The following RECK variants were observed in gnomAD, a reference collection of about 807,000 sequenced individuals.
RECK encodes reversion-inducing cysteine-rich protein with Kazal motifs.
A neutral mutation model predicts 115.1 loss-of-function variants in RECK; 69 were observed. The ratio of observed to expected loss-of-function variants is 0.60; its 90% CI spans 0.49 to 0.73. The LOEUF is 0.73. Among genes scored for constraint, RECK ranks in the 30% least tolerant of loss-of-function variants. RECK has a pLI of 0.00. For missense variants in RECK, 1,047 were observed against 1,203.7 expected, an observed-to-expected ratio of 0.87 and a Z score of 1.93; for synonymous variants, 414 against 419.7, an observed-to-expected ratio of 0.99 and a Z score of 0.17.
chr9:36,087,384 C>T (rs1425060614), intron 8 of RECK, among the ~76,000 whole-genome samples: 1 of 152,116 alleles, frequency 6.6e-6, no homozygotes, highest in Non-Finnish European at 1.5e-5. Context: ...AGCAAACTAA[C>T]ACAAGAACAG....
chr9:36,115,786 A>G (rs963638628), intron 16 of RECK, among the ~76,000 whole-genome samples: 1 of 152,200 alleles, frequency 6.6e-6, no homozygotes, highest in African/African-American at 2.4e-5. Context: ...TAGCTACTAT[A>G]TGCTTCCTCT....
chr9:36,059,050 C>T, intron 3 of RECK, 149 bp downstream of exon 3: 1 of 418,312 alleles, frequency 2.4e-6, no homozygotes, highest in Non-Finnish European at 4.1e-6. Flanking sequence ...TAAAAAAAAT[C>T]TTCATATAAA....
rs762170742 is a variant in RECK at position 36,122,857 on chromosome 9, G to C, written c.2728G>C (p.Glu910Gln). 1 of 1,614,132 alleles carries C rather than the reference G, an allele frequency of 6.2e-7. No homozygotes were observed. The highest frequency in any genetic ancestry group is 1.1e-5 in the South Asian group (1 of 91,076). The change falls in exon 21 of 21, where the codon GAG becomes CAG. Residue 910 changes from glutamate to glutamine, a missense_variant. By Grantham distance (29) the Glu-to-Gln change is conservative. Transcript: ENST00000377966. ...CTGCAATAAAGAAGCAGAGAAGATT[G>C]AGTCCCTTATCAACTCTGACAGCCC... is the stretch of plus-strand genomic sequence containing the variant. ...EACNKEAEKIESLINSDSPTL... is the reference protein window; with the variant it reads ...EACNKEAEKIQSLINSDSPTL...
chr9:36,043,421 C>G (rs541761621), intron 1 of RECK, among the ~76,000 whole-genome samples: 4 of 151,750 alleles, frequency 2.6e-5, no homozygotes, highest in Non-Finnish European at 5.9e-5. Flanking sequence ...GGATATTAGT[C>G]CTTTGTCAGA....
intron 17 of RECK, 34 bp downstream of exon 17, chr9:36,117,211 T>G: frequency 6.5e-7 from 1 of 1,528,866 alleles, no homozygotes; most frequent in East Asian, 2.3e-5. Flanking sequence ...CAAAGTACAC[T>G]ACGGATAAAA....
At chr9:36,089,969 C>T (rs1331562879) in intron 9 of RECK, among the ~76,000 whole-genome samples, 1 of 31,770 alleles carries the variant, frequency 3.1e-5, no homozygotes, top group Admixed American at 2.3e-4. Context: ...ACTAAAAATA[C>T]ACACACACAC....
At chr9:36,037,937 G>C (rs1157051302) in intron 1 of RECK, among the ~76,000 whole-genome samples, 1 of 150,698 alleles carries the variant, frequency 6.6e-6, no homozygotes, top group Non-Finnish European at 1.5e-5. Flanking sequence ...TTGAAAGATG[G>C]CTAGGACGTG....
chr9:36,110,134 T>G, intron 15 of RECK, 55 bp downstream of exon 15: 1 of 1,552,888 alleles, frequency 6.4e-7, no homozygotes, highest in African/African-American at 1.4e-5. Context: ...TTTGCACACA[T>G]TTTTCCCTTC....
chr9:36,037,548 G>C (rs1028006435), intron 1 of RECK, among the ~76,000 whole-genome samples: 8 of 151,886 alleles, frequency 5.3e-5, no homozygotes, highest in Non-Finnish European at 8.8e-5. Flanking sequence ...GGTGAGCACT[G>C]ACGGTCCCCA....
At chr9:36,118,222 A>G (rs6476529) in intron 17 of RECK, among the ~76,000 whole-genome samples, 3,910 of 152,134 alleles carry the variant, frequency 0.026, 176 homozygotes, top group African/African-American at 0.088. Flanking sequence ...CATTGATCCC[A>G]TCTACCCTGA....
chr9:36,112,471 C>A lies in RECK; in HGVS notation c.2055C>A (p.Asn685Lys), dbSNP rs145965365. 17 of 1,613,794 alleles carry A rather than the reference C, an allele frequency of 1.1e-5. No individual in the cohort carries two copies. The highest frequency in any genetic ancestry group is 1.0e-4 in the Admixed American group (6 of 60,006). The change falls in exon 16 of 21, where the codon AAC (asparagine) becomes AAA (lysine). Residue 685 changes from asparagine to lysine, a missense_variant. Asn to Lys is a moderately conservative substitution (Grantham distance 94, BLOSUM62 0). Transcript: ENST00000377966. ...DPCNPNPCQK[N>K]QRCIPKPQVC... ...GTAATCCTAATCCCTGCCAAAAAAA[C>A]CAAAGGTAAGTCAAATGGCTTCTTA...
At chr9:36,083,240 C>T in intron 7 of RECK, 125 bp from the exon 8 acceptor site, 1 of 975,686 alleles carries the variant, frequency 1.0e-6, no homozygotes. Flanking sequence ...TTTAAGTGTT[C>T]ATCGTCTGTG....
chr9:36,044,887 A>G (rs1445185415), intron 1 of RECK, among the ~76,000 whole-genome samples: 1 of 152,180 alleles, frequency 6.6e-6, no homozygotes, highest in Non-Finnish European at 1.5e-5. Context: ...TTGAAATTTT[A>G]GAATTGGAAT....
chr9:36,063,201 G>T (rs898244353), intron 4 of RECK, among the ~76,000 whole-genome samples: 3 of 152,160 alleles, frequency 2.0e-5, no homozygotes, highest in Admixed American at 2.0e-4. Context: ...TTGGTTGGAA[G>T]AGTCACTGCT....
intron 8 of RECK, among the ~76,000 whole-genome samples, 194 bp downstream of exon 8, chr9:36,083,756 G>C (rs898947541): frequency 6.6e-6 from 1 of 152,138 alleles, no homozygotes; most frequent in Non-Finnish European, 1.5e-5. Flanking sequence ...ACTGTAGAGG[G>C]TATGAGGAAA....
intron 1 of RECK, among the ~76,000 whole-genome samples, chr9:36,048,177 T>C (rs1420627860): frequency 2.3e-5 from 3 of 128,168 alleles, no homozygotes; most frequent in African/African-American, 3.7e-5. Flanking sequence ...ACAGGTGTTT[T>C]AAACCATTGT....
intron 16 of RECK, among the ~76,000 whole-genome samples, chr9:36,116,772 A>G (rs764699179): frequency 5.9e-5 from 9 of 152,064 alleles, no homozygotes; most frequent in Non-Finnish European, 1.2e-4. Context: ...AGAATGACTC[A>G]TCCCCGCAAG....
intron 8 of RECK, among the ~76,000 whole-genome samples, chr9:36,084,446 G>C (rs540381132): frequency 1.8e-4 from 28 of 152,116 alleles, no homozygotes; most frequent in Non-Finnish European, 4.0e-4. Context: ...TGTAATCCCA[G>C]CACTTTGGGA....
chr9:36,114,679 C>A (rs566527456), intron 16 of RECK, among the ~76,000 whole-genome samples: 25 of 152,172 alleles, frequency 1.6e-4, no homozygotes, highest in Middle Eastern at 6.8e-3. Context: ...ATGGTGAAAC[C>A]CTTTCTCTAC....
Sources: gnomAD v4.1 joint callset for allele counts (sites outside exome capture counted in the v4.1 genomes callset) on GRCh38, gnomAD v4.1.1 for gene constraint, MANE v1.5 for transcripts, NCBI Gene and HGNC (gene_info 2026-07-23, HGNC 2026-07-21) for gene names.